Variants in SERPINI2 observed in about 807,000 individuals in gnomAD.
The protein encoded by SERPINI2 is serpin I2.
SERPINI2 carries 48 observed loss-of-function variants against 47.3 expected under a neutral mutation model. That is an observed-to-expected ratio of 1.02 (90% CI 0.81 to 1.29). SERPINI2 has a LOEUF of 1.29. Among genes scored for constraint, SERPINI2 ranks in the 50% most tolerant of loss-of-function variants. The probability of loss-of-function intolerance (pLI) is 0.00; values close to 1 mark genes in which losing one functional copy is unlikely to be tolerated. For missense variants in SERPINI2, 448 were observed against 456.9 expected, an observed-to-expected ratio of 0.98 and a Z score of 0.18; for synonymous variants, 135 against 149.3, an observed-to-expected ratio of 0.90 and a Z score of 0.70.
intron 8 of SERPINI2, among the ~76,000 whole-genome samples, 164 bp from the exon 9 acceptor site, chr3:167,442,349 A>G (rs1043345064): frequency 6.6e-6 from 1 of 152,194 alleles, no homozygotes; most frequent in Non-Finnish European, 1.5e-5. Context: ...TCAAATTCAT[A>G]ATTATATCAT....
At chr3:167,475,665 T>C (rs904807690), upstream of SERPINI2, among the ~76,000 whole-genome samples, 2 of 150,782 alleles carry the variant, frequency 1.3e-5, no homozygotes, top group African/African-American at 2.4e-5. Context: ...TACCACAAAT[T>C]TTTAAAATAT....
intron 8 of SERPINI2, among the ~76,000 whole-genome samples, chr3:167,444,677 A>C (rs1749422813): frequency 6.6e-6 from 1 of 152,188 alleles, no homozygotes; most frequent in Admixed American, 6.5e-5. Flanking sequence ...ATGAGCGGCC[A>C]TTTATTTTAA....
In SERPINI2 at chr3:167,467,044, G is replaced by T; in HGVS notation, c.478+11C>A. ...GGCAAATAATAATTTTATGAAAATG[G>T]GAAACTTTACCATCTGTTTTTCTTT... On this transcript the variant is annotated intron_variant, in intron 3 of 8. Transcript: ENST00000264677. 1.9e-6 allele frequency: 3 copies of T among 1,566,420 alleles called. No individual in the cohort carries two copies. The highest frequency in any genetic ancestry group is 2.6e-6 in the Non-Finnish European group (3 of 1,148,456).
At chr3:167,447,052 T>C (rs564217378) in intron 7 of SERPINI2, 1 of 152,270 alleles carries the variant, frequency 6.6e-6, no homozygotes, top group African/African-American at 2.4e-5. Context: ...ATTATTTATA[T>C]TATGTTGCTC....
exon 8 of SERPINI2, chr3:167,446,461 T>C (rs1453394920): frequency 6.2e-7 from 1 of 1,606,828 alleles, no homozygotes; most frequent in Non-Finnish European, 8.5e-7. Flanking sequence ...GCCAGACTCA[T>C]GATCACAGGG....
chr3:167,472,284 A>C (rs1414189585), intron 1 of SERPINI2, among the ~76,000 whole-genome samples: 2 of 152,066 alleles, frequency 1.3e-5, no homozygotes, highest in South Asian at 2.1e-4. Context: ...GACTTACTCC[A>C]GTGTGGTTTT....
chr3:167,455,770 G>A (rs1253156335), intron 5 of SERPINI2, among the ~76,000 whole-genome samples: 1 of 152,120 alleles, frequency 6.6e-6, no homozygotes, highest in African/African-American at 2.4e-5. Flanking sequence ...CATGGCTGAA[G>A]GCAAAGAGGA....
intron 6 of SERPINI2, among the ~76,000 whole-genome samples, chr3:167,451,825 G>A (rs755709402): frequency 6.6e-6 from 1 of 152,172 alleles, no homozygotes; most frequent in Non-Finnish European, 1.5e-5. Flanking sequence ...ATGAAAAATA[G>A]TTTGGATTAT....
chr3:167,476,761 A>G (rs988912111), upstream of SERPINI2, among the ~76,000 whole-genome samples: 2 of 152,040 alleles, frequency 1.3e-5, no homozygotes, highest in Admixed American at 6.6e-5. Context: ...AGGGTAGAAA[A>G]GGTGCATTCT....
At chr3:167,447,547 T>A (rs998677613) in intron 7 of SERPINI2, among the ~76,000 whole-genome samples, 1 of 152,150 alleles carries the variant, frequency 6.6e-6, no homozygotes, top group Admixed American at 6.6e-5. Flanking sequence ...AATTTTAGAC[T>A]TAAAATGAGA....
chr3:167,443,365 C>T lies in SERPINI2; in HGVS notation c.1142-1180G>A, dbSNP rs965648831. 2.0e-5 allele frequency among the ~76,000 whole-genome samples: 3 copies of T among 152,310 alleles called. No individual in the cohort carries two copies. In the South Asian group the frequency reaches 6.2e-4, roughly 32 times the overall value. ...CTCGTGATCCTCCCGCCTCAGCCTC[C>T]CAAAGTGCTGGGATTACAGGCGTGA... On this transcript the variant is annotated intron_variant, in intron 8 of 8. Coordinates refer to ENST00000264677, the Ensembl canonical transcript of SERPINI2.
At chr3:167,462,247 A>C (rs1031957218) in intron 5 of SERPINI2, among the ~76,000 whole-genome samples, 5 of 149,830 alleles carry the variant, frequency 3.3e-5, no homozygotes, top group African/African-American at 1.2e-4. Flanking sequence ...TAAACATTGA[A>C]GTTGTTCTTG....
chr3:167,474,901 C>A (rs1750445750), upstream of SERPINI2, among the ~76,000 whole-genome samples: 1 of 151,570 alleles, frequency 6.6e-6, no homozygotes, highest in Admixed American at 6.6e-5. Flanking sequence ...AATTAAATAT[C>A]TGTTGATCCC....
chr3:167,465,440 C>T (rs1560235240), intron 4 of SERPINI2, 39 bp downstream of exon 4: 1 of 1,606,456 alleles, frequency 6.2e-7, no homozygotes. Flanking sequence ...CTTGGCAATT[C>T]TCAAGACTAT....
At chr3:167,465,481 T>C (rs978407771) in exon 4 of SERPINI2, 7 of 1,612,900 alleles carry the variant, frequency 4.3e-6, no homozygotes, top group Admixed American at 1.7e-5. Flanking sequence ...CACATTACCA[T>C]ATTTTGTTCT....
At chr3:167,459,991 C>T (rs902217748) in intron 5 of SERPINI2, among the ~76,000 whole-genome samples, 3 of 152,072 alleles carry the variant, frequency 2.0e-5, no homozygotes, top group African/African-American at 7.2e-5. Context: ...GGACTTCCAG[C>T]CACTATCGGA....
intron 6 of SERPINI2, among the ~76,000 whole-genome samples, chr3:167,451,982 C>T (rs990604197): frequency 2.0e-5 from 3 of 152,186 alleles, no homozygotes; most frequent in Middle Eastern, 6.8e-3. Context: ...GTAGCTACAC[C>T]GTGTGTGAAG....
chr3:167,444,693 A>G (rs1290182989), intron 8 of SERPINI2, among the ~76,000 whole-genome samples: 1 of 152,196 alleles, frequency 6.6e-6, no homozygotes, highest in Non-Finnish European at 1.5e-5. Context: ...TTTAAACAAT[A>G]CTTTAAAGGA....
intron 5 of SERPINI2, among the ~76,000 whole-genome samples, chr3:167,456,792 C>T (rs530424600): frequency 2.0e-4 from 31 of 152,216 alleles, no homozygotes; most frequent in South Asian, 8.3e-4. Context: ...GATGGGGGGC[C>T]ACCTATTACA....
Sources: gnomAD v4.1 joint callset for allele counts (sites outside exome capture counted in the v4.1 genomes callset) on GRCh38, gnomAD v4.1.1 for gene constraint, MANE v1.5 for transcripts, NCBI Gene and HGNC (gene_info 2026-07-23, HGNC 2026-07-21) for gene names.